DLEU7: variants seen among roughly 807,000 people sequenced by gnomAD.
DLEU7 encodes deleted in lymphocytic leukemia 7, also known as leukemia-associated protein 7.
In DLEU7, 17 loss-of-function variants were observed where a neutral mutation model predicts 16.0. The ratio of observed to expected loss-of-function variants is 1.06; its 90% confidence interval spans 0.73 to 1.59. DLEU7 has a LOEUF of 1.59. Among genes scored for constraint, DLEU7 ranks in the 40% most tolerant of loss-of-function variants. The probability of loss-of-function intolerance (pLI) is 0.00; values close to 1 mark genes in which losing one functional copy is unlikely to be tolerated. For synonymous variants in DLEU7, 113 were observed against 139.8 expected (o/e 0.81, Z 1.35); for missense variants, 308 against 314.9 (o/e 0.98, Z 0.17).
chr13:50,759,166 T>TCCACTCCCC (rs1386648554), intron 1 of DLEU7, among the ~76,000 whole-genome samples: 1 of 152,232 alleles, frequency 6.6e-6, no homozygotes, highest in Non-Finnish European at 1.5e-5. Context: ...AACCTCCTTT[T>TCCACTCCCC]CCACTCCCCC....
intron 1 of DLEU7, among the ~76,000 whole-genome samples, chr13:50,716,599 C>A (rs1873445367): frequency 6.6e-6 from 1 of 152,226 alleles, no homozygotes; most frequent in Non-Finnish European, 1.5e-5. Flanking sequence ...GTGGGCAGAT[C>A]ATTTTACATT....
chr13:50,813,507 T>C (rs959673761), intron 1 of DLEU7, among the ~76,000 whole-genome samples: 6 of 152,098 alleles, frequency 3.9e-5, no homozygotes, highest in African/African-American at 1.4e-4. Context: ...TCTGATTAGA[T>C]TGAAATAGAG....
At chr13:50,824,411 T>A (rs977940931) in intron 1 of DLEU7, among the ~76,000 whole-genome samples, 2 of 152,172 alleles carry the variant, frequency 1.3e-5, no homozygotes, top group Non-Finnish European at 2.9e-5. Flanking sequence ...TAACTTAGTT[T>A]TCCTAAGGAA....
chr13:50,747,374 C>CAG (rs4053229), intron 1 of DLEU7, among the ~76,000 whole-genome samples: 4 of 141,360 alleles, frequency 2.8e-5, no homozygotes, highest in Non-Finnish European at 6.4e-5. Context: ...GTGTGTGTGA[C>CAG]AGAGAGGGAG....
chr13:50,739,816 A>C (rs1039230435), intron 1 of DLEU7, among the ~76,000 whole-genome samples: 1 of 152,194 alleles, frequency 6.6e-6, no homozygotes, highest in Non-Finnish European at 1.5e-5. Flanking sequence ...AGCACAGTCC[A>C]ACCCTACCTA....
intron 1 of DLEU7, among the ~76,000 whole-genome samples, chr13:50,743,452 C>A (rs925486909): frequency 6.6e-6 from 1 of 152,162 alleles, no homozygotes; most frequent in Admixed American, 6.5e-5. Flanking sequence ...AATCCTGGCT[C>A]TATTCTTTAC....
downstream of DLEU7, among the ~76,000 whole-genome samples, chr13:50,818,127 A>G (rs1387664679): frequency 6.6e-6 from 1 of 152,176 alleles, no homozygotes; most frequent in African/African-American, 2.4e-5. Flanking sequence ...CTTTTTTCAG[A>G]GTTATAAAAG....
At chr13:50,827,442 G>T (rs947563154) in intron 1 of DLEU7, among the ~76,000 whole-genome samples, 97 of 152,262 alleles carry the variant, frequency 6.4e-4, no homozygotes, top group African/African-American at 2.3e-3. Flanking sequence ...ACTTTGGGAG[G>T]CTAAGGCAAG....
At chr13:50,785,048 A>G (rs1005807450) in intron 1 of DLEU7, among the ~76,000 whole-genome samples, 4 of 152,208 alleles carry the variant, frequency 2.6e-5, no homozygotes, top group Admixed American at 2.6e-4. Context: ...TGGAAGTGCC[A>G]TGACTGTTGG....
chr13:50,800,610 T>A (rs1436253508), intron 1 of DLEU7, among the ~76,000 whole-genome samples: 1 of 152,118 alleles, frequency 6.6e-6, no homozygotes, highest in East Asian at 1.9e-4. Flanking sequence ...TTCCCGCACA[T>A]TAAAACTTCT....
At chr13:50,783,429 C>A (rs111965448) in intron 1 of DLEU7, among the ~76,000 whole-genome samples, 20 of 152,342 alleles carry the variant, frequency 1.3e-4, no homozygotes, top group African/African-American at 4.1e-4. Context: ...ACAGAGTCCA[C>A]CCTCTGGCCA....
rs1049377904 is a variant in DLEU7 at position 50,727,185 on chromosome 13, G to A, written c.460-13945C>T. Among the ~76,000 whole-genome samples the A allele has an allele frequency of 2.6e-5, 4 of 151,706 alleles. No homozygotes were observed. The East Asian group carries it at 5.8e-4, about 22-fold the overall frequency. On this transcript the variant is annotated intron_variant, in intron 1 of 1. Coordinates refer to the DLEU7 transcript ENST00000400393. ...ATGTGCTAAGTGTTACCCAAAAAAA[G>A]AATAAGAAGTTCTGTACGCTCTTGC...
intron 1 of DLEU7, among the ~76,000 whole-genome samples, chr13:50,759,597 C>T (rs1874865963): frequency 6.6e-6 from 1 of 152,134 alleles, no homozygotes; most frequent in African/African-American, 2.4e-5. Flanking sequence ...GGCAGAAGGG[C>T]ACAGTAGTGA....
At chr13:50,721,895 A>G (rs997873522) in intron 1 of DLEU7, among the ~76,000 whole-genome samples, 1 of 152,238 alleles carries the variant, frequency 6.6e-6, no homozygotes, top group Non-Finnish European at 1.5e-5. Context: ...AAAGAGATTT[A>G]TATCAGGCTG....
chr13:50,765,953 A>G (rs576089755), intron 1 of DLEU7, among the ~76,000 whole-genome samples: 2 of 152,292 alleles, frequency 1.3e-5, no homozygotes, highest in African/African-American at 4.8e-5. Flanking sequence ...CATTTCATCT[A>G]ATGTGGTTTC....
chr13:50,740,381 T>C (rs1874222758), intron 1 of DLEU7, among the ~76,000 whole-genome samples: 1 of 152,228 alleles, frequency 6.6e-6, no homozygotes, highest in African/African-American at 2.4e-5. Context: ...TTATTTCTTT[T>C]AATCTTTTCT....
At chr13:50,716,971 TG>T (rs2137702110) in intron 1 of DLEU7, among the ~76,000 whole-genome samples, 1 of 152,300 alleles carries the variant, frequency 6.6e-6, no homozygotes, top group South Asian at 2.1e-4. Flanking sequence ...TATATACACA[TG>T]ACGCATTTAA....
At chr13:50,762,206 AAAAAAGAAAAG>A (rs1166243181) in intron 1 of DLEU7, among the ~76,000 whole-genome samples, 2 of 151,070 alleles carry the variant, frequency 1.3e-5, no homozygotes, top group East Asian at 3.9e-4. Context: ...AAAAAAAAAA[AAAAAAGAAAAG>A]AAAATATCAG....
intron 1 of DLEU7, among the ~76,000 whole-genome samples, chr13:50,779,159 C>T (rs1318931174): frequency 3.3e-5 from 5 of 152,188 alleles, no homozygotes; most frequent in African/African-American, 1.2e-4. Context: ...TGACAGATAT[C>T]GCCAAGCACA....
Sources: allele counts gnomAD v4.1 joint callset (sites outside exome capture counted in the v4.1 genomes callset), GRCh38; gene constraint gnomAD v4.1.1; transcripts MANE v1.5; gene names NCBI Gene and HGNC (gene_info 2026-07-23, HGNC 2026-07-21).